The following FUT8 variants were observed in gnomAD, a reference collection of about 807,000 sequenced individuals.
The protein encoded by FUT8 is alpha-(1,6)-fucosyltransferase.
FUT8 carries 29 observed loss-of-function variants against 71.3 expected under a neutral mutation model. The observed-to-expected ratio is 0.41, with a 90% CI of 0.30 to 0.55. The LOEUF (loss-of-function observed/expected upper bound fraction) is 0.55. FUT8 is among the 20% of genes least tolerant of loss of function. The pLI, the probability that FUT8 is intolerant of heterozygous loss-of-function variation, is 0.34. For synonymous variants in FUT8, 254 were observed against 239.3 expected, an observed-to-expected ratio of 1.06 and a Z score of -0.57; for missense variants, 544 against 702.1, an observed-to-expected ratio of 0.77 and a Z score of 2.55.
At chr14:65,396,799 A>G in the FUT8 span, among the ~76,000 whole-genome samples, 1 of 152,198 alleles carries the variant, frequency 6.6e-6, no homozygotes, top group African/African-American at 2.4e-5. The surrounding 1 kb of genome is among the most constrained non-coding windows in gnomAD (Gnocchi z 5.5). Context: ...ATTAATTAAC[A>G]TTAGTGGCTT....
intron 2 of FUT8, among the ~76,000 whole-genome samples, chr14:65,507,447 T>A (rs182076586): frequency 2.6e-5 from 4 of 152,286 alleles, no homozygotes; most frequent in Admixed American, 2.0e-4. Flanking sequence ...TCCCCACCTC[T>A]CCCTCATCCC....
At chr14:65,532,683 C>T (rs1325104823) in intron 2 of FUT8, among the ~76,000 whole-genome samples, 1 of 152,026 alleles carries the variant, frequency 6.6e-6, no homozygotes, top group East Asian at 1.9e-4. Flanking sequence ...GTTGCAGTTG[C>T]TTTTTGTGTC....
At chr14:65,736,967 G>A (rs189746290) in intron 10 of FUT8, among the ~76,000 whole-genome samples, 62 of 152,174 alleles carry the variant, frequency 4.1e-4, no homozygotes, top group Non-Finnish European at 8.1e-4. Context: ...GTGAGAAAGA[G>A]TTGACCTGTT....
chr14:65,424,835 T>G (rs187305058), intron 1 of FUT8, among the ~76,000 whole-genome samples: 6 of 152,090 alleles, frequency 3.9e-5, no homozygotes, highest in African/African-American at 1.4e-4. Context: ...CATTTTTGTG[T>G]TTTTTGTAGA....
chr14:65,623,105 G>A (rs985450347), intron 5 of FUT8, among the ~76,000 whole-genome samples: 5 of 151,806 alleles, frequency 3.3e-5, no homozygotes, highest in African/African-American at 1.2e-4. Flanking sequence ...TGCCCAACTC[G>A]GTCTTGAACT....
chr14:65,458,777 C>G (rs1025426538), intron 2 of FUT8, among the ~76,000 whole-genome samples: 2 of 147,592 alleles, frequency 1.4e-5, no homozygotes, highest in South Asian at 4.2e-4. Context: ...CCTTTCCTTT[C>G]TTTTCTTTTC....
intron 6 of FUT8, among the ~76,000 whole-genome samples, chr14:65,636,176 A>G (rs1890541645): frequency 6.6e-6 from 1 of 152,058 alleles, no homozygotes; most frequent in Non-Finnish European, 1.5e-5. Context: ...CTGTGGTGTC[A>G]GTTGTAGTAT....
chr14:65,537,736 G>A (rs1884427227), intron 2 of FUT8, among the ~76,000 whole-genome samples: 1 of 152,122 alleles, frequency 6.6e-6, no homozygotes, highest in South Asian at 2.1e-4. Context: ...GTGGGCTAAT[G>A]TTTCTTCAGT....
chr14:65,470,078 C>T (rs945689739), intron 2 of FUT8, among the ~76,000 whole-genome samples: 2 of 152,254 alleles, frequency 1.3e-5, no homozygotes, highest in Non-Finnish European at 2.9e-5. Context: ...TGCCTGCCAG[C>T]ATGGAGCAGC....
intron 1 of FUT8, among the ~76,000 whole-genome samples, chr14:65,433,490 G>A (rs2065507497): frequency 6.6e-6 from 1 of 152,178 alleles, no homozygotes; most frequent in South Asian, 2.1e-4. Context: ...ATTTGCATAT[G>A]CTATTGCCTT....
intron 1 of FUT8, among the ~76,000 whole-genome samples, chr14:65,453,033 A>T (rs1019458165): frequency 6.7e-6 from 1 of 149,816 alleles, no homozygotes; most frequent in Non-Finnish European, 1.5e-5. Flanking sequence ...TTCTTGCCTT[A>T]GTTTTTTTAA....
rs759178159 is a variant in FUT8, at chr14:65,731,744, C to G, written c.1260-1487C>G. Among the ~76,000 whole-genome samples the G allele has an allele frequency of 3.5e-4, 54 of 152,242 alleles. 2 individuals carry two copies. The highest frequency in any genetic ancestry group is 6.8e-3 in the Middle Eastern group (2 of 294). On this transcript the variant is annotated intron_variant, in intron 9 of 10. Coordinates refer to ENST00000673929, the MANE Select transcript of FUT8 (RefSeq NM_001371533.1). ...TCTTGAGCTCAAGCAGTCTGCCTGC[C>G]TCAGCCTCCCAAAGTGCTGGGATTA...
intron 7 of FUT8, among the ~76,000 whole-genome samples, chr14:65,699,700 C>T (rs2140474835): frequency 6.6e-6 from 1 of 152,244 alleles, no homozygotes; most frequent in East Asian, 1.9e-4. Context: ...CATCTCTTGG[C>T]AATTCCATTG....
intron 2 of FUT8, among the ~76,000 whole-genome samples, chr14:65,475,229 A>C (rs1020378619): frequency 6.6e-6 from 1 of 152,236 alleles, no homozygotes; most frequent in African/African-American, 2.4e-5. Flanking sequence ...AACTAGAAAT[A>C]TAAGTTAATA....
At chr14:65,712,983 G>T (rs1276838319) in intron 7 of FUT8, among the ~76,000 whole-genome samples, 1 of 152,086 alleles carries the variant, frequency 6.6e-6, no homozygotes, top group Non-Finnish European at 1.5e-5. Flanking sequence ...ACCCTGCTGT[G>T]CTGTGAAATA....
chr14:65,670,527 T>G (rs191186985), intron 7 of FUT8, among the ~76,000 whole-genome samples: 2 of 152,252 alleles, frequency 1.3e-5, no homozygotes, highest in East Asian at 3.9e-4. Context: ...GGATAAATAC[T>G]AAGCAAGACA....
chr14:65,620,410 T>A (rs963930685), intron 5 of FUT8, among the ~76,000 whole-genome samples: 15 of 152,194 alleles, frequency 9.9e-5, no homozygotes, highest in Admixed American at 5.9e-4. Flanking sequence ...ATGTTAATTA[T>A]GCTGATTTGC....
At chr14:65,380,142 A>G in the FUT8 span, among the ~76,000 whole-genome samples, 1 of 152,200 alleles carries the variant, frequency 6.6e-6, no homozygotes, top group Non-Finnish European at 1.5e-5. Flanking sequence ...TTGGACTTAC[A>G]TTTCTACATG....
At chr14:65,532,659 C>T (rs970781677) in intron 2 of FUT8, among the ~76,000 whole-genome samples, 3 of 152,236 alleles carry the variant, frequency 2.0e-5, no homozygotes, top group East Asian at 1.9e-4. Context: ...TCCCATTTGT[C>T]AGTTTTTGCT....
Sources: allele counts gnomAD v4.1 joint callset (sites outside exome capture counted in the v4.1 genomes callset), GRCh38; gene constraint gnomAD v4.1.1; non-coding constraint Gnocchi (gnomAD v3.1); transcripts MANE v1.5; gene names NCBI Gene and HGNC (gene_info 2026-07-23, HGNC 2026-07-21).